GRHL3: variants seen among roughly 807,000 people sequenced by gnomAD.
GRHL3 encodes grainyhead-like protein 3 homolog.
A neutral mutation model predicts 70.3 loss-of-function variants in GRHL3; 20 were observed. That is an observed-to-expected ratio of 0.28 (90% confidence interval 0.20 to 0.41). The LOEUF (loss-of-function observed/expected upper bound fraction) is 0.41, where lower values mean the gene tolerates loss of function less well. Ranked by LOEUF, GRHL3 falls within the 10% of genes least tolerant of loss-of-function variation. The pLI, the probability that GRHL3 is intolerant of heterozygous loss-of-function variation, is 1.00. For synonymous variants in GRHL3, 299 were observed against 299.9 expected (o/e 1.00, Z 0.03); for missense variants, 637 against 762.3 (o/e 0.84, Z 1.94).
intron 2 of GRHL3, 26 bp downstream of exon 2, chr1:24,331,638 C>A: frequency 6.3e-7 from 1 of 1,588,618 alleles, no homozygotes; most frequent in Non-Finnish European, 8.6e-7. Context: ...CTGGACATGC[C>A]CCGTTTTGAC....
intron 1 of GRHL3, among the ~76,000 whole-genome samples, chr1:24,326,481 T>C (rs1639404178): frequency 6.6e-6 from 1 of 151,570 alleles, no homozygotes; most frequent in Admixed American, 6.6e-5. Context: ...AGGTCAGAAG[T>C]CCTCTTGTTT....
intron 1 of GRHL3, among the ~76,000 whole-genome samples, chr1:24,324,858 G>A (rs1320328043): frequency 1.3e-5 from 2 of 152,002 alleles, no homozygotes; most frequent in African/African-American, 2.4e-5. Flanking sequence ...AGTCATTACA[G>A]AGCCATGCCC....
At position 24,342,997 on chromosome 1, in the gene GRHL3, A is replaced by C; in HGVS notation, c.1391A>C (p.His464Pro). The change falls in exon 11 of 16, where the codon CAC becomes CCC. Residue 464 changes from histidine (H) to proline (P), a missense_variant. His to Pro is a moderately conservative substitution (Grantham distance 77, BLOSUM62 -2). Coordinates refer to ENST00000361548, the MANE Select transcript of GRHL3 (RefSeq NM_198173.3). The surrounding 1 kb of genome is among the most constrained non-coding windows in gnomAD (Gnocchi z 4.8). Reference protein sequence around the residue: ...TPPVLFIPNVHFSSLQRSGGA... With the variant: ...TPPVLFIPNVPFSSLQRSGGA... Reference sequence around the variant, plus strand: ...CCCGTGCTGTTCATCCCCAATGTGCACTTCTCCAGCCTGCAGCGCTCTGGA... The same window carrying C: ...CCCGTGCTGTTCATCCCCAATGTGCCCTTCTCCAGCCTGCAGCGCTCTGGA... 1.2e-6 allele frequency: 2 copies of C among 1,613,806 alleles called. No individual in the cohort carries two copies. The highest frequency in any genetic ancestry group is 1.7e-6 in the Non-Finnish European group (2 of 1,179,982).
Position 24,336,633 on chromosome 1 carries a change from C to T in GRHL3, c.418C>T (p.Pro140Ser), listed in dbSNP as rs369259121. 16 of 1,613,954 alleles carry T rather than the reference C, an allele frequency of 9.9e-6. No individual in the cohort carries two copies. In the African/African-American group the frequency reaches 1.7e-4, roughly 18 times the overall value. The change falls in exon 4 of 16, where the codon CCC (proline) becomes TCC (serine). Residue 140 changes from proline (P) to serine (S), a missense_variant. By Grantham distance (74) the Pro-to-Ser change is moderately conservative. Around this residue, in one of 2 missense-constraint regions of GRHL3, gnomAD observed 250 missense variants for 248.6 expected, o/e 1.01. Coordinates refer to ENST00000361548, the MANE Select transcript of GRHL3 (RefSeq NM_198173.3). Reference protein sequence around the residue: ...NNLMSLEGALPTPGKAAPLPA... With the variant: ...NNLMSLEGALSTPGKAAPLPA... ...CCTGATGAGCTTGGAGGGGGCCTTG[C>T]CCACCCCTGGCAAGGCAGCTCCCCT...
chr1:24,340,399 G>C (rs183577594), intron 8 of GRHL3, among the ~76,000 whole-genome samples: 10 of 152,332 alleles, frequency 6.6e-5, no homozygotes, highest in African/African-American at 2.4e-4. Context: ...GGAGAGGCCT[G>C]AGAGATGGAG....
rs779509195 is a variant in GRHL3, at chr1:24,342,864, G to A, written c.1286-28G>A. ...GAGGGACTTGAGTGGAGGGACCTCG[G>A]GGCACATTGGCTTCCTTCTCCCATC... On this transcript the variant is annotated intron_variant, in intron 10 of 15. Coordinates refer to ENST00000361548, the MANE Select transcript of GRHL3 (RefSeq NM_198173.3). The surrounding 1 kb of genome is among the most constrained non-coding windows in gnomAD (Gnocchi z 4.8). The A allele has an allele frequency of 3.1e-6, 5 of 1,614,182 alleles. No homozygotes were observed. Among genetic ancestry groups the A allele is most frequent in the Non-Finnish European group, 2.5e-6 (3 of 1,180,022 alleles).
At chr1:24,326,551 T>C (rs1447595779) in intron 1 of GRHL3, among the ~76,000 whole-genome samples, 1 of 152,238 alleles carries the variant, frequency 6.6e-6, no homozygotes, top group Non-Finnish European at 1.5e-5. Context: ...TGTGGTCATG[T>C]AGGTCTTACT....
At chr1:24,356,562 A>G (rs764512459), downstream of GRHL3, among the ~76,000 whole-genome samples, 311 of 152,212 alleles carry the variant, frequency 2.0e-3, no homozygotes, top group Non-Finnish European at 3.9e-3. Flanking sequence ...TTAAGCTGCC[A>G]AGTTGAAGTG....
At chr1:24,319,862 C>T (rs1283236985) in intron 1 of GRHL3, 2 of 695,480 alleles carry the variant, frequency 2.9e-6, no homozygotes, top group South Asian at 2.0e-5. Flanking sequence ...CTTTTTGATC[C>T]TCTGAAGGGG....
Position 24,321,281 on chromosome 1 carries a change from T to TTGGGG in GRHL3, c.17+1721_17+1725dup, listed in dbSNP as rs963516400. Among the ~76,000 whole-genome samples the TTGGGG allele has an allele frequency of 6.6e-5, 10 of 152,138 alleles. No individual in the cohort carries two copies. The highest frequency in any genetic ancestry group is 2.4e-4 in the African/African-American group (10 of 41,414). ...CCGCTGACAGTTGAGGCTTCTCAGT[T>TTGGGG]TGGGGTGGGGTGAGGGAAGCCAGTT... On this transcript the variant is annotated intron_variant, in intron 1 of 15. Coordinates refer to ENST00000361548, the MANE Select transcript of GRHL3 (RefSeq NM_198173.3). This position sits in a 1 kb window ranked among gnomAD's most constrained non-coding sequence, Gnocchi z 4.0.
downstream of GRHL3, among the ~76,000 whole-genome samples, chr1:24,358,998 T>C (rs548114844): frequency 2.0e-5 from 3 of 152,312 alleles, no homozygotes; most frequent in African/African-American, 7.2e-5. Flanking sequence ...GCCATGACAA[T>C]TGCGGACATG....
intron 15 of GRHL3, chr1:24,364,060 C>T: frequency 7.4e-7 from 1 of 1,344,352 alleles, no homozygotes; most frequent in Non-Finnish European, 9.6e-7. Context: ...TTTTACCTTC[C>T]AGAAACACCC....
chr1:24,350,144 C>T (rs777482992), intron 15 of GRHL3, 22 bp downstream of exon 15: 10 of 1,601,200 alleles, frequency 6.2e-6, no homozygotes, highest in Non-Finnish European at 7.7e-6. Context: ...GTTCACCCTC[C>T]CCCAGCTGGT....
Position 24,334,648 on chromosome 1 carries a change from C to T in GRHL3, c.208C>T (p.Pro70Ser), listed in dbSNP as rs186239168. ...TCCTTCCTTTCTCTCTTCTCAGGGT[C>T]CCAAGGAGAAGCGGATATTGTCCTC... is the stretch of plus-strand genomic sequence containing the variant. ...LSFLYDYYMG[P>S]KEKRILSSST... is the part of the protein sequence containing the mutation. Residue 70 changes from proline (P) to serine (S), a missense_variant, in exon 3 of 16, where the codon CCC becomes TCC. Pro to Ser is a moderately conservative substitution (Grantham distance 74). Coordinates refer to ENST00000361548, the MANE Select transcript of GRHL3 (RefSeq NM_198173.3). The surrounding 1 kb of genome is among the most constrained non-coding windows in gnomAD (Gnocchi z 4.3). 2.3e-5 allele frequency: 37 copies of T among 1,610,372 alleles called. No individual in the cohort carries two copies. The highest frequency in any genetic ancestry group is 3.4e-6 in the Non-Finnish European group (4 of 1,178,550).
rs181118940 is a variant in GRHL3, at chr1:24,347,484, G to A, written c.1560G>A (p.Arg520=). ...GDLQRVLLYV[R]RETEEVFDAL... ...GCTTTTCAGTTCTGCTGTATGTGCG[G>A]AGGGAGACTGAGGAGGTGTTTGACG... The change falls in exon 14 of 16, where the codon CGG becomes CGA. Residue 520 remains arginine, a synonymous_variant. Transcript: ENST00000361548. The A allele has an allele frequency of 1.2e-6, 2 of 1,614,132 alleles. No individual in the cohort carries two copies. The highest frequency in any genetic ancestry group is 2.7e-5 in the African/African-American group (2 of 75,046).
downstream of GRHL3, chr1:24,358,192 T>C (rs898165123): frequency 2.7e-5 from 14 of 526,602 alleles, no homozygotes; most frequent in Admixed American, 3.1e-4. Flanking sequence ...CTGATCCTCC[T>C]TGAAGTCTGC....
chr1:24,331,655 G>C, intron 2 of GRHL3, 43 bp downstream of exon 2: 1 of 1,556,124 alleles, frequency 6.4e-7, no homozygotes. Context: ...TGACTGAATG[G>C]GTGTCTTCAC....
At position 24,324,332 on chromosome 1, in the gene GRHL3, G is replaced by A. The variant is rs370463368; in HGVS notation, c.17+4764G>A. ...TCAACTTGCCCACCTGGGTCCTGACGATGAAGCTGGTAGTGCGTGTTCCTC... is the reference window on the plus strand; with the variant it reads ...TCAACTTGCCCACCTGGGTCCTGACAATGAAGCTGGTAGTGCGTGTTCCTC... On this transcript the variant is annotated intron_variant, in intron 1 of 15. Coordinates refer to ENST00000361548, the MANE Select transcript of GRHL3 (RefSeq NM_198173.3). Among the ~76,000 whole-genome samples the A allele has an allele frequency of 1.0e-3, 156 of 152,214 alleles. 1 individual carries two copies. The South Asian group carries it at 0.019, about 18-fold the overall frequency.
At chr1:24,360,147 G>A (rs540213712), downstream of GRHL3, among the ~76,000 whole-genome samples, 1 of 152,258 alleles carries the variant, frequency 6.6e-6, no homozygotes, top group East Asian at 1.9e-4. Context: ...ATATTTTTAA[G>A]AAAAAGAACT....
Sources: allele counts gnomAD v4.1 joint callset (sites outside exome capture counted in the v4.1 genomes callset), GRCh38; gene constraint gnomAD v4.1.1; regional missense constraint gnomAD v4.1.1; non-coding constraint Gnocchi (gnomAD v3.1); transcripts MANE v1.5; gene names NCBI Gene and HGNC (gene_info 2026-07-23, HGNC 2026-07-21).